Variants in UBE4B observed in about 807,000 individuals in gnomAD.
The protein encoded by UBE4B is ubiquitin conjugation factor E4 B.
In UBE4B, 27 loss-of-function variants were observed where a neutral mutation model predicts 148.1. That is an observed-to-expected ratio of 0.18 (90% CI 0.13 to 0.25). The LOEUF (loss-of-function observed/expected upper bound fraction) is 0.25. Among genes scored for constraint, UBE4B ranks in the 10% least tolerant of loss-of-function variants. The probability of loss-of-function intolerance (pLI) is 1.00; values close to 1 mark genes in which losing one functional copy is unlikely to be tolerated. For missense variants in UBE4B, 1,170 were observed against 1,662.4 expected (o/e 0.70, Z 5.15); for synonymous variants, 596 against 619.3 (o/e 0.96, Z 0.56).
intron 1 of UBE4B, among the ~76,000 whole-genome samples, chr1:10,038,847 A>C (rs1643649465): frequency 6.6e-6 from 1 of 152,132 alleles, no homozygotes; most frequent in South Asian, 2.1e-4. Flanking sequence ...CTGTAATCCC[A>C]GCACTTCGGG....
intron 2 of UBE4B, among the ~76,000 whole-genome samples, chr1:10,087,699 G>A (rs886083131): frequency 6.6e-6 from 1 of 152,170 alleles, no homozygotes; most frequent in African/African-American, 2.4e-5. Flanking sequence ...TGTCCCTGGT[G>A]CTGTTAAACA....
At chr1:10,068,384 C>T (rs1261854794) in intron 1 of UBE4B, among the ~76,000 whole-genome samples, 1 of 149,746 alleles carries the variant, frequency 6.7e-6, no homozygotes, top group Non-Finnish European at 1.5e-5. Context: ...GAGTCTCGCT[C>T]TGTTGCCCAG....
At chr1:10,117,797 C>G (rs927364892) in intron 8 of UBE4B, among the ~76,000 whole-genome samples, 197 bp downstream of exon 8, 1 of 152,162 alleles carries the variant, frequency 6.6e-6, no homozygotes, top group African/African-American at 2.4e-5. Flanking sequence ...AACTCACATT[C>G]TAATAGAGAC....
rs1645117703 is a variant in UBE4B at position 10,106,675 on chromosome 1, C to T, written c.1196+92C>T. 1 of 1,440,596 alleles carries T rather than the reference C, an allele frequency of 6.9e-7. No homozygotes were observed. The highest frequency in any genetic ancestry group is 1.5e-5 in the South Asian group (1 of 67,210). The allele number at this position is 1,440,596 out of a possible 1,614,324, so 89.2% of individuals were successfully genotyped here. A position where few individuals can be genotyped will look rare whatever the true frequency, so the allele number is the denominator to read the frequency against. On this transcript the variant is annotated intron_variant, in intron 7 of 27. Transcript: ENST00000343090. The surrounding 1 kb of genome is among the most constrained non-coding windows in gnomAD (Gnocchi z 4.2). The stretch of plus-strand genomic sequence containing the variant: ...GAAGAAGTGCTGTGTGACACTGACT[C>T]TGTTAAATTGTTGTTTTGGGTTATT...
intron 1 of UBE4B, among the ~76,000 whole-genome samples, chr1:10,062,995 A>G (rs552888172): frequency 5.9e-5 from 9 of 151,940 alleles, no homozygotes; most frequent in Admixed American, 4.6e-4. Flanking sequence ...GTGATGGCGA[A>G]TAAAACAGAT....
chr1:10,176,437 G>A lies in UBE4B; in HGVS notation c.3526-2207G>A, dbSNP rs541574467. ...TGCCAGAATGTTTTCTACAGCTGCC[G>A]CCCATTTGACATTCCCACTGGCAAT... is the stretch of plus-strand genomic sequence containing the variant. On this transcript the variant is annotated intron_variant, in intron 25 of 27. Coordinates refer to ENST00000343090, the MANE Select transcript of UBE4B (RefSeq NM_001105562.3). Among the ~76,000 whole-genome samples the A allele has an allele frequency of 6.6e-5, 10 of 152,204 alleles. No individual in the cohort carries two copies. In the South Asian group the frequency reaches 1.2e-3, roughly 19 times the overall value.
chr1:10,065,563 C>G (rs1644372089), intron 1 of UBE4B, among the ~76,000 whole-genome samples: 3 of 152,204 alleles, frequency 2.0e-5, no homozygotes, highest in Admixed American at 2.0e-4. Flanking sequence ...TGTGTCACCG[C>G]TGGGCCAGTG....
At chr1:10,164,329 C>T (rs1646214308) in intron 23 of UBE4B, among the ~76,000 whole-genome samples, 1 of 151,632 alleles carries the variant, frequency 6.6e-6, no homozygotes, top group African/African-American at 2.4e-5. Context: ...GCCTGGGCAA[C>T]AGAGCGAGAC....
At chr1:10,076,741 CT>C (rs61563451) in intron 2 of UBE4B, among the ~76,000 whole-genome samples, 6,970 of 105,838 alleles carry the variant, frequency 0.066, 167 homozygotes, top group African/African-American at 0.17. Flanking sequence ...CAGTCCCAGC[CT>C]TTTTTTTTTT....
chr1:10,115,808 G>A (rs1431712052), intron 7 of UBE4B, among the ~76,000 whole-genome samples: 1 of 152,138 alleles, frequency 6.6e-6, no homozygotes, highest in Non-Finnish European at 1.5e-5. Flanking sequence ...CTACAAACCT[G>A]TACTGCATGT....
intron 12 of UBE4B, 133 bp from the exon 13 acceptor site, chr1:10,130,367 C>T (rs1645573368): frequency 4.8e-6 from 4 of 831,724 alleles, no homozygotes; most frequent in Non-Finnish European, 7.8e-6. Context: ...AGGCGTGAGC[C>T]ACCATGCCTG....
chr1:10,179,256 C>CT, intron 26 of UBE4B, 160 bp from the exon 27 acceptor site: 1 of 862,878 alleles, frequency 1.2e-6, no homozygotes, highest in Non-Finnish European at 1.7e-6. Context: ...ATGTATATGC[C>CT]TTTATTGAAG....
At chr1:10,113,650 G>A (rs1645257810) in intron 7 of UBE4B, among the ~76,000 whole-genome samples, 1 of 152,164 alleles carries the variant, frequency 6.6e-6, no homozygotes, top group Non-Finnish European at 1.5e-5. Context: ...TAATTTCAGT[G>A]GCAGTTGCAT....
At chr1:10,154,097 G>A (rs914948510) in intron 21 of UBE4B, among the ~76,000 whole-genome samples, 2 of 151,890 alleles carry the variant, frequency 1.3e-5, no homozygotes, top group African/African-American at 4.8e-5. Context: ...ACAAAAATTA[G>A]CTGGACATGG....
At chr1:10,145,209 G>A in intron 18 of UBE4B, 170 bp downstream of exon 18, 1 of 487,100 alleles carries the variant, frequency 2.1e-6, no homozygotes, top group Admixed American at 3.5e-5. Flanking sequence ...ACTTATATGT[G>A]TATATAATGA....
intron 2 of UBE4B, among the ~76,000 whole-genome samples, chr1:10,082,590 G>C (rs1644699672): frequency 6.6e-6 from 1 of 151,658 alleles, no homozygotes; most frequent in South Asian, 2.1e-4. Flanking sequence ...AGTACCACTG[G>C]GGGTGTGTAC....
chr1:10,155,665 C>T (rs191393291), intron 21 of UBE4B, among the ~76,000 whole-genome samples: 22 of 152,324 alleles, frequency 1.4e-4, no homozygotes, highest in Middle Eastern at 3.4e-3. Flanking sequence ...AGTTGCCACA[C>T]ACAAGATCAG....
intron 3 of UBE4B, 116 bp downstream of exon 3, chr1:10,095,712 T>C (rs1314737230): frequency 1.1e-5 from 12 of 1,119,530 alleles, no homozygotes; most frequent in Non-Finnish European, 1.5e-5. Flanking sequence ...TGCCAGTCCT[T>C]AGCAAATTAG....
chr1:10,151,206 A>G lies in UBE4B; in HGVS notation c.2691-120A>G, dbSNP rs951763636. The G allele has an allele frequency of 7.4e-6, 6 of 815,652 alleles. No individual in the cohort carries two copies. The African/African-American group carries it at 1.0e-4, about 14-fold the overall frequency. 50.5% of individuals were successfully genotyped at this position (815,652 alleles called of 1,614,324 possible). On this transcript the variant is annotated intron_variant, in intron 20 of 27. Coordinates refer to ENST00000343090, the MANE Select transcript of UBE4B (RefSeq NM_001105562.3). ...CTGTAAACTGAATGAGTTCAAGGGCACTCCCAAACCTACTTATCCTGCCTT... is the reference window on the plus strand; with the variant it reads ...CTGTAAACTGAATGAGTTCAAGGGCGCTCCCAAACCTACTTATCCTGCCTT...
Sources: allele counts gnomAD v4.1 joint callset (sites outside exome capture counted in the v4.1 genomes callset), GRCh38; gene constraint gnomAD v4.1.1; non-coding constraint Gnocchi (gnomAD v3.1); transcripts MANE v1.5; gene names NCBI Gene and HGNC (gene_info 2026-07-23, HGNC 2026-07-21).